Variants in TIAM1 observed in about 807,000 individuals in gnomAD.
TIAM1 encodes the protein TIAM Rac1 associated GEF 1.
A neutral mutation model predicts 163.5 loss-of-function variants in TIAM1; 65 were observed. That is an observed-to-expected ratio of 0.40 (90% CI 0.33 to 0.49). The LOEUF (loss-of-function observed/expected upper bound fraction) is 0.49. Among genes scored for constraint, TIAM1 ranks in the 20% least tolerant of loss-of-function variants. The probability of loss-of-function intolerance (pLI) is 0.77; values close to 1 mark genes in which losing one functional copy is unlikely to be tolerated. For synonymous variants in TIAM1, 833 were observed against 810.1 expected (o/e 1.03, Z -0.48); for missense variants, 1,789 against 2,044.7 (o/e 0.87, Z 2.41).
At chr21:31,441,412 G>A (rs1176743637) in intron 2 of TIAM1, among the ~76,000 whole-genome samples, 3 of 152,144 alleles carry the variant, frequency 2.0e-5, no homozygotes, top group South Asian at 2.1e-4. Context: ...AATAAGGAAT[G>A]TGAGTGGGAA....
intron 16 of TIAM1, among the ~76,000 whole-genome samples, chr21:31,157,664 C>CAGA (rs1433318253): frequency 6.6e-6 from 1 of 151,952 alleles, no homozygotes; most frequent in Non-Finnish European, 1.5e-5. Context: ...CATGCCAATT[C>CAGA]ATCCCATGTG....
chr21:31,121,410 GGGAACT>G (rs1294414423), intron 27 of TIAM1, among the ~76,000 whole-genome samples: 2 of 152,146 alleles, frequency 1.3e-5, no homozygotes, highest in Non-Finnish European at 2.9e-5. Flanking sequence ...CTTGTTTTCT[GGGAACT>G]GGAACATAAC....
At chr21:31,479,490 C>T (rs150755506) in intron 1 of TIAM1, among the ~76,000 whole-genome samples, 290 of 151,914 alleles carry the variant, frequency 1.9e-3, no homozygotes, top group African/African-American at 6.2e-3. Context: ...GATGGATGAG[C>T]GGCAGAGGTC....
At chr21:31,366,825 C>T (rs2076511881) in intron 2 of TIAM1, among the ~76,000 whole-genome samples, 1 of 152,174 alleles carries the variant, frequency 6.6e-6, no homozygotes, top group East Asian at 1.9e-4. Flanking sequence ...GCCATGTTGG[C>T]CAGGCTGGTC....
intron 1 of TIAM1, among the ~76,000 whole-genome samples, chr21:31,545,844 T>C (rs2048468330): frequency 6.6e-6 from 1 of 152,164 alleles, no homozygotes; most frequent in Admixed American, 6.6e-5. Flanking sequence ...TTGTGATTAA[T>C]CTCCATGTGT....
intron 5 of TIAM1, among the ~76,000 whole-genome samples, chr21:31,249,639 C>A (rs940795319): frequency 1.3e-5 from 2 of 152,116 alleles, no homozygotes; most frequent in Non-Finnish European, 2.9e-5. Flanking sequence ...AGGGGAGAAG[C>A]GGGAAGTGGA....
intron 6 of TIAM1, among the ~76,000 whole-genome samples, chr21:31,231,073 G>A (rs939357556): frequency 2.0e-5 from 3 of 152,174 alleles, no homozygotes; most frequent in Admixed American, 2.0e-4. Flanking sequence ...GAGTAGAAGT[G>A]ACATCACTGC....
intron 2 of TIAM1, among the ~76,000 whole-genome samples, chr21:31,411,190 G>C (rs377607689): frequency 1.3e-5 from 2 of 152,194 alleles, no homozygotes; most frequent in African/African-American, 4.8e-5. Context: ...CAAGGGCAAA[G>C]AGGAGAGTAA....
At chr21:31,494,544 T>C (rs1235977052) in intron 1 of TIAM1, among the ~76,000 whole-genome samples, 1 of 152,200 alleles carries the variant, frequency 6.6e-6, no homozygotes, top group Non-Finnish European at 1.5e-5. Flanking sequence ...AAAGTCAGCG[T>C]AGAAGACTGC....
chr21:31,344,331 C>A, upstream of TIAM1: 1 of 152,312 alleles, frequency 6.6e-6, no homozygotes. Context: ...CTCCCTTCCT[C>A]CTCCCACCAT....
chr21:31,268,115 GA>G (rs2072886584), intron 3 of TIAM1, among the ~76,000 whole-genome samples: 1 of 152,144 alleles, frequency 6.6e-6, no homozygotes, highest in South Asian at 2.1e-4. Context: ...AAGGAAAGAA[GA>G]AAAACAGAGT....
intron 2 of TIAM1, among the ~76,000 whole-genome samples, chr21:31,442,290 T>A (rs1292850822): frequency 6.9e-6 from 1 of 145,296 alleles, no homozygotes; most frequent in African/African-American, 2.5e-5. Context: ...TGGAGTGCAG[T>A]GGCACGATCT....
At chr21:31,362,193 G>C (rs775154603) in intron 2 of TIAM1, among the ~76,000 whole-genome samples, 2 of 151,866 alleles carry the variant, frequency 1.3e-5, no homozygotes, top group Non-Finnish European at 2.9e-5. Flanking sequence ...TCTTTACTGT[G>C]ACTTTATTTG....
intron 3 of TIAM1, among the ~76,000 whole-genome samples, chr21:31,273,385 G>T (rs147464556): frequency 6.6e-6 from 1 of 152,196 alleles, no homozygotes; most frequent in Non-Finnish European, 1.5e-5. Context: ...TCACTCCTCA[G>T]ATGCACATGC....
At chr21:31,497,840 C>T (rs756234540) in intron 1 of TIAM1, among the ~76,000 whole-genome samples, 58 of 152,140 alleles carry the variant, frequency 3.8e-4, no homozygotes, top group Non-Finnish European at 8.2e-4. Flanking sequence ...TTAGAAAGGG[C>T]GCATTCCAGA....
chr21:31,161,376 A>G (rs1020745355), intron 16 of TIAM1, among the ~76,000 whole-genome samples: 2 of 152,162 alleles, frequency 1.3e-5, no homozygotes, highest in African/African-American at 4.8e-5. Flanking sequence ...TGAGGTTGTC[A>G]CCCACAGTCA....
At chr21:31,347,197 G>A (rs112077639), upstream of TIAM1, among the ~76,000 whole-genome samples, 2 of 152,264 alleles carry the variant, frequency 1.3e-5, no homozygotes, top group Admixed American at 6.5e-5. Flanking sequence ...ATGTGAACAC[G>A]TTACATAAAC....
At position 31,274,688 on chromosome 21, in the gene TIAM1, G is replaced by C. The variant is rs537160584; in HGVS notation, c.-12+2044C>G. Among the ~76,000 whole-genome samples, 10 of 152,274 alleles carry C rather than the reference G, an allele frequency of 6.6e-5. No individual in the cohort carries two copies. In the South Asian group the frequency reaches 2.1e-3, roughly 32 times the overall value. On this transcript the variant is annotated intron_variant, in intron 3 of 27. Coordinates refer to ENST00000541036, the MANE Select transcript of TIAM1 (RefSeq NM_001353694.2). ...CGTGTGGGAGTAAATAATCCAAAAGGTGATTCTACCACTGGGGTCAAACAT... is the reference window on the plus strand; with the variant it reads ...CGTGTGGGAGTAAATAATCCAAAAGCTGATTCTACCACTGGGGTCAAACAT...
chr21:31,314,283 C>T (rs1036100962), intron 2 of TIAM1, among the ~76,000 whole-genome samples: 2 of 152,074 alleles, frequency 1.3e-5, no homozygotes, highest in African/African-American at 2.4e-5. Context: ...AAAATCAGAA[C>T]ATTCAGCAGA....
Sources: gnomAD v4.1 joint callset for allele counts (sites outside exome capture counted in the v4.1 genomes callset) on GRCh38, gnomAD v4.1.1 for gene constraint, MANE v1.5 for transcripts, NCBI Gene and HGNC (gene_info 2026-07-23, HGNC 2026-07-21) for gene names.